NRXN3: variants seen among roughly 807,000 people sequenced by gnomAD.
NRXN3 encodes the protein neurexin 3, also known as neurexin III.
A neutral mutation model predicts 137.6 loss-of-function variants in NRXN3; 32 were observed. That is an observed-to-expected ratio of 0.23 (90% CI 0.18 to 0.31). NRXN3 has a LOEUF of 0.31. Ranked by LOEUF, NRXN3 falls within the 10% of genes least tolerant of loss-of-function variation. NRXN3 has a pLI of 1.00. For synonymous variants in NRXN3, 798 were observed against 784.5 expected, an observed-to-expected ratio of 1.02 and a Z score of -0.29; for missense variants, 1,574 against 2,062.5, an observed-to-expected ratio of 0.76 and a Z score of 4.59.
In NRXN3 at chr14:78,722,290, G is replaced by A. The variant is rs2098463764; in HGVS notation, c.2044+7151G>A. Among the ~76,000 whole-genome samples the A allele has an allele frequency of 2.6e-5, 4 of 152,148 alleles. No homozygotes were observed. The South Asian group carries it at 8.3e-4, about 32-fold the overall frequency. ...TGAACCAACGGCACACCTGCTGCTGGCTGCAGTGCTGTCAAATGCAGGGAC... is the reference window on the plus strand; with the variant it reads ...TGAACCAACGGCACACCTGCTGCTGACTGCAGTGCTGTCAAATGCAGGGAC... On this transcript the variant is annotated intron_variant, in intron 8 of 20. Coordinates refer to ENST00000335750, the MANE Select transcript of NRXN3 (RefSeq NM_001330195.2).
chr14:79,236,310 T>C (rs2073350660), intron 15 of NRXN3, among the ~76,000 whole-genome samples: 1 of 151,220 alleles, frequency 6.6e-6, no homozygotes, highest in Non-Finnish European at 1.5e-5. Context: ...TATAGGTAGG[T>C]ATATATATAT....
intron 2 of NRXN3, among the ~76,000 whole-genome samples, chr14:78,276,809 G>A (rs1322693675): frequency 6.6e-6 from 1 of 152,218 alleles, no homozygotes; most frequent in Non-Finnish European, 1.5e-5. Flanking sequence ...GAACAATGGT[G>A]TTGACATTCT....
chr14:79,279,472 T>A, intron 15 of NRXN3: 2 of 986,196 alleles, frequency 2.0e-6, no homozygotes, highest in Non-Finnish European at 2.4e-6. Context: ...CACCTCCTCT[T>A]GCGCTCTCGC....
chr14:79,015,724 C>T (rs890264504), intron 15 of NRXN3, among the ~76,000 whole-genome samples: 10 of 152,188 alleles, frequency 6.6e-5, no homozygotes, highest in Admixed American at 2.6e-4. Context: ...CTGTCTTCTA[C>T]CCAAAGGGGT....
intron 15 of NRXN3, among the ~76,000 whole-genome samples, chr14:79,272,940 A>G (rs558614328): frequency 6.6e-6 from 1 of 152,260 alleles, no homozygotes; most frequent in South Asian, 2.1e-4. Context: ...TGGGAGGCCA[A>G]GACGAGCGGA....
At chr14:78,410,167 A>C (rs1226084126) in intron 4 of NRXN3, among the ~76,000 whole-genome samples, 1 of 152,204 alleles carries the variant, frequency 6.6e-6, no homozygotes, top group Non-Finnish European at 1.5e-5. Context: ...GTGCCCATGG[A>C]AATAAACTAC....
intron 15 of NRXN3, among the ~76,000 whole-genome samples, chr14:79,254,364 G>T (rs1426444632): frequency 6.6e-6 from 1 of 152,114 alleles, no homozygotes; most frequent in African/African-American, 2.4e-5. Flanking sequence ...GAACAATTTG[G>T]TCTCAAGCAG....
chr14:79,651,867 C>T (rs221455), intron 16 of NRXN3, among the ~76,000 whole-genome samples: 39,419 of 152,086 alleles, frequency 0.26, 5,682 homozygotes, highest in African/African-American at 0.39. Context: ...CAGTTCCATT[C>T]CCTAAAGCTA....
rs78559461 is a variant in NRXN3, at chr14:78,707,483, T to C, written c.1222-1734T>C. On this transcript the variant is annotated intron_variant, in intron 6 of 20. Transcript: ENST00000335750. ...TCAGTTCAAATAAGAGTAAAACTTT[T>C]TTGAAATTCTAATTTCATGGAGAAA... Among the ~76,000 whole-genome samples the C allele has an allele frequency of 0.011, 1,740 of 152,338 alleles. 87 individuals are homozygous for C. The East Asian group carries it at 0.18, about 16-fold the overall frequency.
At chr14:78,778,678 T>TTTTCTTTTCTTTCTTTCTTTC in intron 8 of NRXN3, among the ~76,000 whole-genome samples, 2 of 114,524 alleles carry the variant, frequency 1.7e-5, no homozygotes, top group South Asian at 2.9e-4. Flanking sequence ...TTCTCTTTTC[T>TTTTCTTTTCTTTCTTTCTTTC]TTTCTTTCTT....
At position 78,225,061 on chromosome 14, in the gene NRXN3, C is replaced by T. The variant is rs575143965; in HGVS notation, c.-703-17330C>T. On this transcript the variant is annotated intron_variant, in intron 1 of 20. Transcript: ENST00000335750. ...GATTACAGGCGTGAGCCACCGCACC[C>T]GGCCGCATGTGTCTTTATAGCAGCA... Among the ~76,000 whole-genome samples the T allele has an allele frequency of 1.4e-4, 21 of 152,286 alleles. No individual in the cohort carries two copies. In the South Asian group the frequency reaches 2.3e-3, roughly 17 times the overall value.
chr14:78,491,793 A>G (rs548621725), intron 4 of NRXN3, among the ~76,000 whole-genome samples: 2 of 152,192 alleles, frequency 1.3e-5, no homozygotes, highest in South Asian at 2.1e-4. Context: ...GGTAGCATCT[A>G]TGAATCACTA....
At chr14:79,400,196 A>G (rs2095153059) in intron 15 of NRXN3, among the ~76,000 whole-genome samples, 1 of 152,136 alleles carries the variant, frequency 6.6e-6, no homozygotes, top group African/African-American at 2.4e-5. Context: ...CAACCCTTAA[A>G]TATCCTATTG....
At chr14:79,035,507 C>A (rs537528160) in intron 15 of NRXN3, among the ~76,000 whole-genome samples, 10 of 152,200 alleles carry the variant, frequency 6.6e-5, no homozygotes, top group East Asian at 1.9e-4. Context: ...TCATAGAAAT[C>A]ATAGATTTTT....
In NRXN3 at chr14:78,204,991, A is replaced by G. The variant is rs143357033; in HGVS notation, c.-704+34317A>G. On this transcript the variant is annotated intron_variant, in intron 1 of 20. Transcript: ENST00000335750. ...CCAGAGTCAAAGTGCGGAGACCAAG[A>G]GTAGCTTTCTATCTGACCTTCTGCC... Among the ~76,000 whole-genome samples the G allele has an allele frequency of 4.6e-3, 705 of 152,266 alleles. 8 individuals carry two copies. Among genetic ancestry groups the G allele is most frequent in the African/African-American group, 0.016 (644 of 41,542 alleles).
At chr14:78,293,856 A>G (rs530945519) in intron 3 of NRXN3, among the ~76,000 whole-genome samples, 1 of 148,208 alleles carries the variant, frequency 6.7e-6, no homozygotes, top group African/African-American at 2.4e-5. Context: ...TCATTCCTTT[A>G]TTTGTATAGC....
At chr14:78,539,391 T>C (rs2096567065) in intron 4 of NRXN3, among the ~76,000 whole-genome samples, 1 of 152,236 alleles carries the variant, frequency 6.6e-6, no homozygotes, top group Non-Finnish European at 1.5e-5. Flanking sequence ...GATTTTCTAG[T>C]TCATTTGCAT....
At chr14:78,617,829 A>G (rs1319495244) in intron 4 of NRXN3, among the ~76,000 whole-genome samples, 5 of 151,668 alleles carry the variant, frequency 3.3e-5, no homozygotes, top group Non-Finnish European at 2.9e-5. Context: ...ATATAAAGTT[A>G]TATCTATATC....
chr14:78,958,571 G>A (rs1379158746), intron 11 of NRXN3, among the ~76,000 whole-genome samples: 1 of 152,056 alleles, frequency 6.6e-6, no homozygotes, highest in East Asian at 1.9e-4. Flanking sequence ...TAGCCAGGAT[G>A]GTCTCCATCT....
Sources: allele counts gnomAD v4.1 joint callset (sites outside exome capture counted in the v4.1 genomes callset), GRCh38; gene constraint gnomAD v4.1.1; transcripts MANE v1.5; gene names NCBI Gene and HGNC (gene_info 2026-07-23, HGNC 2026-07-21).